ROBO1: variants seen among roughly 807,000 people sequenced by gnomAD.
ROBO1 encodes the protein roundabout homolog 1.
A neutral mutation model predicts 195.9 loss-of-function variants in ROBO1; 149 were observed. The observed-to-expected ratio is 0.76, with a 90% CI of 0.67 to 0.87. The LOEUF is 0.87. Ranked by LOEUF, ROBO1 falls within the 40% of genes least tolerant of loss-of-function variation. ROBO1 has a pLI of 0.00. For missense variants in ROBO1, 1,933 were observed against 2,068.3 expected, an observed-to-expected ratio of 0.93 and a Z score of 1.27; for synonymous variants, 816 against 733.2, an observed-to-expected ratio of 1.11 and a Z score of -1.82.
intron 2 of ROBO1, among the ~76,000 whole-genome samples, chr3:79,397,878 T>C (rs1359964379): frequency 6.6e-6 from 1 of 152,148 alleles, no homozygotes; most frequent in Non-Finnish European, 1.5e-5. Flanking sequence ...CACTCCTGGG[T>C]TTACTGAAAA....
chr3:79,509,790 T>C (rs2107535758), intron 2 of ROBO1, among the ~76,000 whole-genome samples: 1 of 152,274 alleles, frequency 6.6e-6, no homozygotes, highest in East Asian at 1.9e-4. Context: ...CATATGAATG[T>C]GATTCTGTGA....
rs189125451 is a variant in ROBO1 at position 78,806,324 on chromosome 3, C to T, written c.500-59424G>A. Among the ~76,000 whole-genome samples the T allele has an allele frequency of 2.5e-3, 373 of 152,210 alleles. 7 individuals are homozygous for T. The highest frequency in any genetic ancestry group is 1.2e-3 in the Non-Finnish European group (83 of 68,024). On this transcript the variant is annotated intron_variant, in intron 4 of 30. Coordinates refer to ENST00000464233, the MANE Select transcript of ROBO1 (RefSeq NM_002941.4). The stretch of plus-strand genomic sequence containing the variant: ...TGTAGCTGACCCTAATGCTAACCAA[C>T]GCAGCACCTGATTCAGGTTTGAGGT...
At chr3:79,136,302 C>T (rs1559685560) in intron 2 of ROBO1, among the ~76,000 whole-genome samples, 1 of 152,220 alleles carries the variant, frequency 6.6e-6, no homozygotes, top group East Asian at 1.9e-4. Flanking sequence ...CAACCTTCTT[C>T]TTTCCTTCTG....
rs1434273638 is a variant in ROBO1, at chr3:78,938,757, G to A, written c.343C>T (p.Pro115Ser). Residue 115 changes from proline (P) to serine (S), a missense_variant, in exon 4 of 31, where the codon CCT becomes TCT. Physicochemically the swap from Pro to Ser is moderately conservative, Grantham distance 74. This residue lies in a region of ROBO1 where 185 missense variants were observed against 159.5 expected (regional missense o/e 1.16). Coordinates refer to ENST00000464233, the MANE Select transcript of ROBO1 (RefSeq NM_002941.4). ...GGCAGCAACATTCGGTGTGAGCGAG[G>A]GTCATCTTTGTCTGTCTCCACTCTC... Reference protein sequence around the residue: ...GERVETDKDDPRSHRMLLPSG... With the variant: ...GERVETDKDDSRSHRMLLPSG... 8.1e-6 allele frequency: 13 copies of A among 1,613,846 alleles called. No individual in the cohort carries two copies. Among genetic ancestry groups the A allele is most frequent in the Non-Finnish European group, 1.1e-5 (13 of 1,179,880 alleles).
At chr3:79,251,692 G>A (rs1285241719) in intron 2 of ROBO1, among the ~76,000 whole-genome samples, 1 of 152,142 alleles carries the variant, frequency 6.6e-6, no homozygotes, top group Admixed American at 6.5e-5. Context: ...CAGAGTTGCA[G>A]TGATCCAAGA....
chr3:79,345,084 G>A (rs1362801426), intron 2 of ROBO1, among the ~76,000 whole-genome samples: 6 of 151,984 alleles, frequency 3.9e-5, no homozygotes, highest in African/African-American at 9.7e-5. Flanking sequence ...GTGTGAAAAC[G>A]GACTACACAG....
At chr3:78,643,817 G>C (rs1251401356) in intron 21 of ROBO1, among the ~76,000 whole-genome samples, 1 of 152,216 alleles carries the variant, frequency 6.6e-6, no homozygotes, top group East Asian at 1.9e-4. Flanking sequence ...ATAAAGGTAG[G>C]ACTCCTGAGA....
intron 4 of ROBO1, among the ~76,000 whole-genome samples, chr3:78,936,393 G>T (rs2039809843): frequency 6.6e-6 from 1 of 152,098 alleles, no homozygotes. Context: ...TTACTTGGGG[G>T]TGATAGTTTA....
intron 2 of ROBO1, among the ~76,000 whole-genome samples, chr3:79,531,388 C>T (rs1418004362): frequency 2.6e-5 from 4 of 152,090 alleles, no homozygotes; most frequent in Middle Eastern, 3.4e-3. Flanking sequence ...TTTGGGAGGC[C>T]GAGGTGGGTG....
At chr3:79,760,196 C>T (rs1454192124) in intron 1 of ROBO1, among the ~76,000 whole-genome samples, 3 of 128,042 alleles carry the variant, frequency 2.3e-5, no homozygotes, top group Admixed American at 1.9e-4. Context: ...GAGATCGCGC[C>T]ACTGCACTCC....
intron 1 of ROBO1, among the ~76,000 whole-genome samples, chr3:79,706,431 G>A (rs1947771616): frequency 6.6e-6 from 1 of 151,904 alleles, no homozygotes; most frequent in Non-Finnish European, 1.5e-5. Flanking sequence ...TATCCTGTTG[G>A]TGTGATAGAT....
chr3:79,371,129 T>C (rs973943305), intron 2 of ROBO1, among the ~76,000 whole-genome samples: 1 of 152,154 alleles, frequency 6.6e-6, no homozygotes, highest in Admixed American at 6.5e-5. Flanking sequence ...CTATAGTAAA[T>C]AGTGTTGCAA....
In ROBO1 at chr3:79,533,428, T is replaced by C. The variant is rs564522365; in HGVS notation, c.88+56396A>G. ...TCTTTCTTTAAGTATGTTCCTCTTA[T>C]AGTTAGCCAATAGCTGAAGTGACAT... is the stretch of plus-strand genomic sequence containing the variant. On this transcript the variant is annotated intron_variant, in intron 2 of 30. Coordinates refer to ENST00000464233, the MANE Select transcript of ROBO1 (RefSeq NM_002941.4). Among the ~76,000 whole-genome samples, 19 of 152,308 alleles carry C rather than the reference T, an allele frequency of 1.2e-4. 1 individual carries two copies. Among genetic ancestry groups the C allele is most frequent in the African/African-American group, 4.3e-4 (18 of 41,574 alleles).
chr3:79,227,413 C>T lies in ROBO1; in HGVS notation c.89-101874G>A, dbSNP rs141209905. The stretch of plus-strand genomic sequence containing the variant: ...CCCTGAATTGTTTTTCTACCTCGGT[C>T]TTCCCTACTGAGCTTCAGATCTGTA... On this transcript the variant is annotated intron_variant, in intron 2 of 30. Transcript: ENST00000464233. Among the ~76,000 whole-genome samples, 481 of 152,270 alleles carry T rather than the reference C, an allele frequency of 3.2e-3. 3 individuals are homozygous for T. Among genetic ancestry groups the T allele is most frequent in the African/African-American group, 0.011 (460 of 41,530 alleles).
At chr3:78,751,895 T>C (rs956633397) in intron 4 of ROBO1, among the ~76,000 whole-genome samples, 1 of 152,112 alleles carries the variant, frequency 6.6e-6, no homozygotes, top group African/African-American at 2.4e-5. Flanking sequence ...AGTGGGTATC[T>C]TGGGAAAAAT....
chr3:79,407,599 G>T (rs1255470451), intron 2 of ROBO1, among the ~76,000 whole-genome samples: 1 of 151,890 alleles, frequency 6.6e-6, no homozygotes, highest in Non-Finnish European at 1.5e-5. Context: ...TATTTAATAG[G>T]TGTTATTTTA....
At chr3:79,076,230 TTATA>T (rs1299779757) in intron 3 of ROBO1, among the ~76,000 whole-genome samples, 1 of 147,748 alleles carries the variant, frequency 6.8e-6, no homozygotes, top group East Asian at 2.0e-4. Flanking sequence ...TATATGTTAC[TTATA>T]TATAAATATA....
intron 1 of ROBO1, among the ~76,000 whole-genome samples, chr3:79,636,608 C>A (rs1945503972): frequency 6.6e-6 from 1 of 152,098 alleles, no homozygotes; most frequent in Admixed American, 6.6e-5. Context: ...GTTCCTAGTT[C>A]AAGACATTGA....
intron 4 of ROBO1, among the ~76,000 whole-genome samples, chr3:78,754,995 C>G (rs1348518555): frequency 1.3e-5 from 2 of 152,074 alleles, no homozygotes; most frequent in African/African-American, 2.4e-5. Context: ...AACAAGACAA[C>G]CTTGGTAGGG....
Sources: allele counts gnomAD v4.1 joint callset (sites outside exome capture counted in the v4.1 genomes callset), GRCh38; gene constraint gnomAD v4.1.1; regional missense constraint gnomAD v4.1.1; transcripts MANE v1.5; gene names NCBI Gene and HGNC (gene_info 2026-07-23, HGNC 2026-07-21).